The following PIKFYVE variants were observed in gnomAD, a reference collection of about 807,000 sequenced individuals.
The protein encoded by PIKFYVE is 1-phosphatidylinositol 3-phosphate 5-kinase.
Under a neutral mutation model 257.9 loss-of-function variants are expected in PIKFYVE, and 122 were observed. The ratio of observed to expected loss-of-function variants is 0.47; its 90% CI spans 0.41 to 0.55. PIKFYVE has a LOEUF of 0.55. PIKFYVE is among the 20% of genes least tolerant of loss of function. The pLI is 0.00. For missense variants in PIKFYVE, 2,160 were observed against 2,536.6 expected, an observed-to-expected ratio of 0.85 and a Z score of 3.19; for synonymous variants, 892 against 868.9, an observed-to-expected ratio of 1.03 and a Z score of -0.47.
rs1170512317 is a variant in PIKFYVE at position 208,343,634 on chromosome 2, G to GT, written c.5027+990dup. On this transcript the variant is annotated intron_variant, in intron 32 of 41. Coordinates refer to ENST00000264380, the MANE Select transcript of PIKFYVE (RefSeq NM_015040.4). Reference sequence around the variant, plus strand: ...TGTCTCTCTTTCTAAATATGTTAATGTTTTTGGACTGCAGTTGACTGTGGG... The same window carrying GT: ...TGTCTCTCTTTCTAAATATGTTAATGTTTTTTGGACTGCAGTTGACTGTGGG... Among the ~76,000 whole-genome samples, 4 of 152,116 alleles carry GT rather than the reference G, an allele frequency of 2.6e-5. No individual in the cohort carries two copies. In the East Asian group the frequency reaches 5.8e-4, roughly 22 times the overall value.
At chr2:208,288,964 G>A (rs1442212564) in intron 7 of PIKFYVE, 146 bp downstream of exon 7, 4 of 1,116,768 alleles carry the variant, frequency 3.6e-6, no homozygotes, top group Non-Finnish European at 5.1e-6. Context: ...TTTTCTTTTT[G>A]CTATTCAGCC....
At chr2:208,300,905 A>G (rs1463479462) in intron 8 of PIKFYVE, 32 bp from the exon 9 acceptor site, 1 of 1,613,420 alleles carries the variant, frequency 6.2e-7, no homozygotes, top group Middle Eastern at 1.7e-4. Context: ...ATTTTTCTCA[A>G]GGGTAACTAC....
intron 31 of PIKFYVE, among the ~76,000 whole-genome samples, chr2:208,340,671 C>T (rs1213473245): frequency 6.6e-6 from 1 of 152,056 alleles, no homozygotes; most frequent in Non-Finnish European, 1.5e-5. Context: ...CAAGTATATC[C>T]AAAAAGTGGA....
At chr2:208,309,805 A>T (rs140880926) in intron 12 of PIKFYVE, among the ~76,000 whole-genome samples, 95 of 152,324 alleles carry the variant, frequency 6.2e-4, no homozygotes, top group African/African-American at 2.2e-3. Flanking sequence ...GCATTGGGTG[A>T]TGCGTTATAT....
intron 7 of PIKFYVE, among the ~76,000 whole-genome samples, chr2:208,296,518 T>C (rs1693008037): frequency 6.6e-6 from 1 of 152,190 alleles, no homozygotes. Flanking sequence ...TGTCAAATAG[T>C]TGGATATATG....
At chr2:208,340,832 T>C (rs1262297071) in intron 31 of PIKFYVE, among the ~76,000 whole-genome samples, 2 of 152,150 alleles carry the variant, frequency 1.3e-5, no homozygotes, top group Non-Finnish European at 2.9e-5. Flanking sequence ...GCTCATAATC[T>C]TTGGGAAGAT....
Position 208,312,293 on chromosome 2 carries a change from A to T in PIKFYVE, c.1694A>T (p.Lys565Ile), listed in dbSNP as rs1695019168. 6.2e-7 allele frequency: 1 copy of T among 1,605,452 alleles called. No homozygotes were observed. Among genetic ancestry groups the T allele is most frequent in the Non-Finnish European group, 8.5e-7 (1 of 1,173,774 alleles). The change falls in exon 13 of 42, where the codon AAA becomes ATA. Residue 565 changes from lysine (K) to isoleucine (I), a missense_variant and splice_region_variant. Around this residue, in one of 12 missense-constraint regions of PIKFYVE, gnomAD observed 346 missense variants for 365.6 expected, o/e 0.95. Transcript: ENST00000264380. ...CTCTCAATAAGTGACGCTTTCATCA[A>T]AGGTAATTTTATAAAAAGCTGTATG... ...QQLSISDAFIKESLFNRRVEE... is the reference protein window; with the variant it reads ...QQLSISDAFIIESLFNRRVEE...
At chr2:208,298,843 G>A in intron 8 of PIKFYVE, 64 bp downstream of exon 8, 2 of 1,593,976 alleles carry the variant, frequency 1.3e-6, no homozygotes, top group South Asian at 1.1e-5. Flanking sequence ...ATGTGACTGA[G>A]TCTTTTTTTT....
chr2:208,317,299 C>G (rs976514281), intron 15 of PIKFYVE, among the ~76,000 whole-genome samples: 1 of 151,802 alleles, frequency 6.6e-6, no homozygotes. Flanking sequence ...AAAAAACAAC[C>G]CCATCAAAAA....
Position 208,339,538 on chromosome 2 carries a change from C to T in PIKFYVE, c.4793C>T (p.Thr1598Ile). 2.5e-6 allele frequency: 4 copies of T among 1,614,184 alleles called. No individual in the cohort carries two copies. The highest frequency in any genetic ancestry group is 3.4e-6 in the Non-Finnish European group (4 of 1,180,024). ...QSVGGPPELDTASSSEDVFDG... is the reference protein window; with the variant it reads ...QSVGGPPELDIASSSEDVFDG... ...GTGGGAGGGCCCCCTGAGCTAGATACAGCCAGCAGTTCCGAAGGTAGAGGT... is the reference window on the plus strand; with the variant it reads ...GTGGGAGGGCCCCCTGAGCTAGATATAGCCAGCAGTTCCGAAGGTAGAGGT... Residue 1598 changes from threonine to isoleucine, a missense_variant, in exon 30 of 42, where the codon ACA becomes ATA. Physicochemically the swap from Thr to Ile is moderately conservative, Grantham distance 89 (BLOSUM62 -1). Coordinates refer to ENST00000264380, the MANE Select transcript of PIKFYVE (RefSeq NM_015040.4).
At chr2:208,284,921 C>T (rs1371187685) in intron 5 of PIKFYVE, among the ~76,000 whole-genome samples, 1 of 151,970 alleles carries the variant, frequency 6.6e-6, no homozygotes, top group Non-Finnish European at 1.5e-5. Flanking sequence ...CTCCCGCCCT[C>T]AAGCAGTCCT....
intron 39 of PIKFYVE, among the ~76,000 whole-genome samples, 169 bp downstream of exon 39, chr2:208,352,951 G>A (rs1312030911): frequency 1.3e-5 from 2 of 152,156 alleles, no homozygotes; most frequent in Non-Finnish European, 2.9e-5. Context: ...AAAGAATGAA[G>A]AGGAATTATT....
chr2:208,335,753 T>G (rs1397277630), intron 25 of PIKFYVE, 40 bp from the exon 26 acceptor site: 1 of 1,446,708 alleles, frequency 6.9e-7, no homozygotes, highest in African/African-American at 1.4e-5. Flanking sequence ...AAAATTTGAT[T>G]CACCCTTTCT....
intron 34 of PIKFYVE, among the ~76,000 whole-genome samples, chr2:208,346,825 C>G (rs1281730077): frequency 6.6e-6 from 1 of 152,344 alleles, no homozygotes; most frequent in South Asian, 2.1e-4. Context: ...AATAGTTTCT[C>G]TATGATTCCT....
At chr2:208,315,453 G>C in intron 15 of PIKFYVE, 80 bp downstream of exon 15, 1 of 1,527,800 alleles carries the variant, frequency 6.5e-7, no homozygotes, top group South Asian at 1.2e-5. Context: ...ATGGTAATCT[G>C]AAAAGAGTCA....
At chr2:208,326,515 C>A (rs1696939207) in intron 20 of PIKFYVE, 86 bp downstream of exon 20, 2 of 1,380,948 alleles carry the variant, frequency 1.4e-6, no homozygotes, top group Admixed American at 1.8e-5. Context: ...ATCAGTTTGG[C>A]AGACTGCATG....
At chr2:208,314,494 T>A in intron 14 of PIKFYVE, 71 bp downstream of exon 14, 7 of 1,482,004 alleles carry the variant, frequency 4.7e-6, no homozygotes, top group Non-Finnish European at 6.4e-6. Flanking sequence ...AGCATATGCA[T>A]CATTCCTCTT....
At chr2:208,313,636 G>A (rs561577328) in intron 13 of PIKFYVE, among the ~76,000 whole-genome samples, 1 of 148,796 alleles carries the variant, frequency 6.7e-6, no homozygotes, top group African/African-American at 2.5e-5. Flanking sequence ...AGGTTGGAGT[G>A]CAGTGGTGCG....
intron 8 of PIKFYVE, 57 bp downstream of exon 8, chr2:208,298,836 T>C (rs1693316849): frequency 6.3e-7 from 1 of 1,598,310 alleles, no homozygotes; most frequent in Admixed American, 1.7e-5. Flanking sequence ...AATGTTCATG[T>C]GACTGAGTCT....
Sources: allele counts gnomAD v4.1 joint callset (sites outside exome capture counted in the v4.1 genomes callset), GRCh38; gene constraint gnomAD v4.1.1; regional missense constraint gnomAD v4.1.1; transcripts MANE v1.5; gene names NCBI Gene and HGNC (gene_info 2026-07-23, HGNC 2026-07-21).